The following MAK variants were observed in gnomAD, a reference collection of about 807,000 sequenced individuals.
The protein encoded by MAK is serine/threonine-protein kinase MAK.
A neutral mutation model predicts 82.6 loss-of-function variants in MAK; 65 were observed. The observed-to-expected ratio is 0.79, with a 90% CI of 0.64 to 0.97. The LOEUF is 0.97. Among genes scored for constraint, MAK ranks in the 50% least tolerant of loss-of-function variants. The pLI, the probability that MAK is intolerant of heterozygous loss-of-function variation, is 0.00. For synonymous variants in MAK, 250 were observed against 274.2 expected, an observed-to-expected ratio of 0.91 and a Z score of 0.87; for missense variants, 703 against 780.2, an observed-to-expected ratio of 0.90 and a Z score of 1.18.
At chr6:10,809,030 C>A in intron 5 of MAK, 88 bp from the exon 6 acceptor site, 2 of 1,164,182 alleles carry the variant, frequency 1.7e-6, no homozygotes, top group Non-Finnish European at 1.3e-6. Flanking sequence ...TATAAATGAA[C>A]CCCCTCTTTT....
chr6:10,797,683 A>C, intron 8 of MAK: 1 of 985,442 alleles, frequency 1.0e-6, no homozygotes, highest in East Asian at 1.1e-4. Flanking sequence ...TGTTCCCCTG[A>C]ACCTCCTGCC....
At chr6:10,797,992 G>A (rs978985878) in intron 8 of MAK, 6 of 1,045,848 alleles carry the variant, frequency 5.7e-6, no homozygotes, top group African/African-American at 3.4e-5. Flanking sequence ...CTCAAATTCT[G>A]AATTAAGTCA....
chr6:10,784,353 G>T lies in MAK; in HGVS notation c.1465+71C>A, dbSNP rs542922284. 3 of 1,545,180 alleles carry T rather than the reference G, an allele frequency of 1.9e-6. No homozygotes were observed. In the East Asian group the frequency reaches 6.7e-5, roughly 35 times the overall value. ...GCTTCACTGCTGCCCTTTCTTTGGAGATTCCAAGACACTTGAACCTGACCT... is the reference window on the plus strand; with the variant it reads ...GCTTCACTGCTGCCCTTTCTTTGGATATTCCAAGACACTTGAACCTGACCT... On this transcript the variant is annotated intron_variant, in intron 11 of 14. Transcript: ENST00000354489.
chr6:10,822,454 C>CA (rs781088003), intron 2 of MAK, among the ~76,000 whole-genome samples: 8,311 of 138,022 alleles, frequency 0.06, 253 homozygotes, highest in Admixed American at 0.11. Flanking sequence ...AACTCCGTCT[C>CA]AAAAAAAAAA....
At chr6:10,792,224 A>G (rs1169152647) in intron 9 of MAK, among the ~76,000 whole-genome samples, 1 of 152,216 alleles carries the variant, frequency 6.6e-6, no homozygotes, top group Admixed American at 6.5e-5. Context: ...TGAGAAGGAC[A>G]CTAAGGCTGG....
intron 7 of MAK, 58 bp downstream of exon 7, chr6:10,803,662 A>G: frequency 6.9e-7 from 1 of 1,446,672 alleles, no homozygotes; most frequent in Non-Finnish European, 9.7e-7. Flanking sequence ...AATTAAAAGC[A>G]AAGTAGCAAG....
intron 1 of MAK, among the ~76,000 whole-genome samples, chr6:10,832,241 G>C (rs1433059473): frequency 6.6e-6 from 1 of 152,194 alleles, no homozygotes; most frequent in African/African-American, 2.4e-5. Context: ...CGCCTCGGCG[G>C]GATTACAGGC....
chr6:10,803,946 G>A, intron 6 of MAK, 55 bp from the exon 7 acceptor site: 1 of 1,461,038 alleles, frequency 6.8e-7, no homozygotes, highest in Non-Finnish European at 9.6e-7. Context: ...AAAGGTGGAT[G>A]GGCAGTAGCA....
chr6:10,780,150 G>A, intron 11 of MAK: 1 of 568,258 alleles, frequency 1.8e-6, no homozygotes, highest in Non-Finnish European at 2.2e-6. Context: ...GCCAATAGGT[G>A]ACAGTAAGGC....
rs1772226972 is a variant in MAK, at chr6:10,764,603, T to A, written c.1796A>T (p.Tyr599Phe). 6.2e-7 allele frequency: 1 copy of A among 1,613,678 alleles called. No individual in the cohort carries two copies. Residue 599 changes from tyrosine to phenylalanine, a missense_variant, in exon 15 of 15, where the codon TAT becomes TTT. Coordinates refer to ENST00000354489, the MANE Select transcript of MAK (RefSeq NM_001242957.3). ...CCGACCAGTTTTTGTGTTCCAGGTA[T>A]ATTCTGAAAGAAATCAGATTTGGAA... ...LAPLNATASE[Y>F]TWNTKTGRGQ...
rs1007003727 is a variant in MAK, at chr6:10,776,712, A to G, written c.1466-1253T>C. On this transcript the variant is annotated intron_variant, in intron 11 of 14. Coordinates refer to ENST00000354489, the MANE Select transcript of MAK (RefSeq NM_001242957.3). The surrounding 1 kb of genome is among the most constrained non-coding windows in gnomAD (Gnocchi z 4.3). Reference sequence around the variant, plus strand: ...GTTACCCATTATCAGTTCTCTAAGGAAACACTTCATCAGGCAAGTAATTTC... The same window carrying G: ...GTTACCCATTATCAGTTCTCTAAGGGAACACTTCATCAGGCAAGTAATTTC... Among the ~76,000 whole-genome samples, 1 of 152,226 alleles carries G rather than the reference A, an allele frequency of 6.6e-6. No homozygotes were observed. Among genetic ancestry groups the G allele is most frequent in the Non-Finnish European group, 1.5e-5 (1 of 68,042 alleles).
intron 2 of MAK, among the ~76,000 whole-genome samples, chr6:10,830,156 T>TGTGTGTGC (rs1554187797): frequency 1.5e-5 from 2 of 134,146 alleles, no homozygotes; most frequent in South Asian, 2.4e-4. Context: ...TGTGTGTGTG[T>TGTGTGTGC]GCGTGTGCAC....
At chr6:10,768,999 C>T (rs1384948166) in intron 14 of MAK, among the ~76,000 whole-genome samples, 2 of 152,158 alleles carry the variant, frequency 1.3e-5, no homozygotes, top group Non-Finnish European at 2.9e-5. Flanking sequence ...TGCTTGCGCC[C>T]ACGAGTCAAG....
chr6:10,836,430 A>G (rs750840144), intron 1 of MAK, among the ~76,000 whole-genome samples: 36 of 152,200 alleles, frequency 2.4e-4, no homozygotes, highest in Non-Finnish European at 1.6e-4. Flanking sequence ...ACAATTGTCT[A>G]ATGTAGAGAC....
At chr6:10,797,884 G>A (rs781656224) in intron 8 of MAK, 4 of 1,281,378 alleles carry the variant, frequency 3.1e-6, no homozygotes, top group Non-Finnish European at 4.1e-6. Flanking sequence ...CTGTGAAACA[G>A]AGCACAAGAA....
intron 2 of MAK, chr6:10,826,758 C>T (rs770069597): frequency 2.0e-5 from 3 of 152,222 alleles, no homozygotes; most frequent in African/African-American, 4.8e-5. Flanking sequence ...TTCTGATCAA[C>T]GAGAAGAAAC....
At chr6:10,794,418 TAAAC>T (rs1775338491) in intron 9 of MAK, among the ~76,000 whole-genome samples, 1 of 152,160 alleles carries the variant, frequency 6.6e-6, no homozygotes, top group African/African-American at 2.4e-5. Flanking sequence ...AAGAGACAAA[TAAAC>T]AATAAACATA....
chr6:10,818,591 G>A (rs1234541488), intron 3 of MAK, among the ~76,000 whole-genome samples: 2 of 148,410 alleles, frequency 1.3e-5, no homozygotes, highest in Non-Finnish European at 3.0e-5. Flanking sequence ...TCCAGCCTGG[G>A]TGACAGAGTA....
chr6:10,766,755 G>T (rs1363729104), intron 14 of MAK, among the ~76,000 whole-genome samples: 2 of 152,140 alleles, frequency 1.3e-5, no homozygotes, highest in African/African-American at 4.8e-5. Flanking sequence ...AGGGAACGTG[G>T]CATTAGGCTA....
Sources: gnomAD v4.1 joint callset for allele counts (sites outside exome capture counted in the v4.1 genomes callset) on GRCh38, gnomAD v4.1.1 for gene constraint, Gnocchi (gnomAD v3.1) non-coding constraint, MANE v1.5 for transcripts, NCBI Gene and HGNC (gene_info 2026-07-23, HGNC 2026-07-21) for gene names.